Variants in TET2 observed in about 807,000 individuals in gnomAD.
The protein encoded by TET2 is methylcytosine dioxygenase TET2.
TET2 carries 299 observed loss-of-function variants against 142.9 expected under a neutral mutation model. That is an observed-to-expected ratio of 2.09 (90% CI 1.90 to 2.30). The LOEUF is 2.30. Ranked by LOEUF, TET2 falls within the 30% of genes most tolerant of loss-of-function variation. TET2 has a pLI of 0.00. For missense variants in TET2, 2,418 were observed against 2,378.0 expected (o/e 1.02, Z -0.35); for synonymous variants, 819 against 849.0 (o/e 0.96, Z 0.61).
intron 2 of TET2, among the ~76,000 whole-genome samples, chr4:105,212,234 G>A (rs1727214317): frequency 6.6e-6 from 1 of 152,164 alleles, no homozygotes; most frequent in African/African-American, 2.4e-5. Context: ...TAGTTGTAAT[G>A]AATACCTCCT....
rs139335022 is a variant in TET2, at chr4:105,210,045, A to G, written c.-47+19540A>G. Among the ~76,000 whole-genome samples, 150 of 152,312 alleles carry G rather than the reference A, an allele frequency of 9.8e-4. 1 individual carries two copies. The highest frequency in any genetic ancestry group is 3.5e-3 in the African/African-American group (144 of 41,578). On this transcript the variant is annotated intron_variant, in intron 2 of 10. Coordinates refer to ENST00000380013, the MANE Select transcript of TET2 (RefSeq NM_001127208.3). Reference sequence around the variant, plus strand: ...ATTAAACATCCATGGTTTCTTCTTAAGTAACTGCGTGGATGATAGTACCCC... The same window carrying G: ...ATTAAACATCCATGGTTTCTTCTTAGGTAACTGCGTGGATGATAGTACCCC...
intron 2 of TET2, among the ~76,000 whole-genome samples, chr4:105,193,733 T>G (rs1366926370): frequency 6.6e-6 from 1 of 152,184 alleles, no homozygotes; most frequent in Non-Finnish European, 1.5e-5. Context: ...AATAGGGAAG[T>G]TGGGACATAT....
At chr4:105,269,310 A>G (rs1001970299) in intron 8 of TET2, among the ~76,000 whole-genome samples, 2 of 152,236 alleles carry the variant, frequency 1.3e-5, no homozygotes, top group Admixed American at 1.3e-4. Context: ...AGCAGGAAGC[A>G]TGAATTATAC....
intron 2 of TET2, among the ~76,000 whole-genome samples, chr4:105,208,427 T>C (rs1012048732): frequency 1.3e-5 from 2 of 152,178 alleles, no homozygotes; most frequent in Non-Finnish European, 2.9e-5. Context: ...TTTTGAGTTA[T>C]CTGAAGGATC....
At chr4:105,265,184 G>A (rs945996426) in intron 8 of TET2, among the ~76,000 whole-genome samples, 1 of 152,168 alleles carries the variant, frequency 6.6e-6, no homozygotes, top group African/African-American at 2.4e-5. Flanking sequence ...TTTCTATGAA[G>A]ATGGAAATAT....
chr4:105,272,304 TCAC>T, intron 9 of TET2, among the ~76,000 whole-genome samples: 1 of 152,124 alleles, frequency 6.6e-6, no homozygotes, highest in East Asian at 1.9e-4. Context: ...AGAACAAGGG[TCAC>T]CACAGCTAAC....
chr4:105,241,396 A>T lies in TET2; in HGVS notation c.3467A>T (p.Asn1156Ile), dbSNP rs1729289574. The change falls in exon 4 of 11, where the codon AAT becomes ATT. Residue 1156 changes from asparagine (N) to isoleucine (I), a missense_variant. Transcript: ENST00000380013. ...PFYTHLGAGP[N>I]VAAIREIMEE... Reference sequence around the variant, plus strand: ...TATACCCATCTAGGAGCAGGTCCTAATGTGGCAGCTATTAGAGAAATCATG... The same window carrying T: ...TATACCCATCTAGGAGCAGGTCCTATTGTGGCAGCTATTAGAGAAATCATG... 6.4e-7 allele frequency: 1 copy of T among 1,550,832 alleles called. No homozygotes were observed. Among genetic ancestry groups the T allele is most frequent in the Non-Finnish European group, 8.7e-7 (1 of 1,146,716 alleles).
At chr4:105,244,361 ATTAT>A (rs1398226932) in intron 6 of TET2, among the ~76,000 whole-genome samples, 1 of 152,176 alleles carries the variant, frequency 6.6e-6, no homozygotes, top group Non-Finnish European at 1.5e-5. Context: ...ATGGATATAT[ATTAT>A]TTTCCAGGAA....
chr4:105,247,283 CTT>C, intron 6 of TET2, among the ~76,000 whole-genome samples: 1 of 152,296 alleles, frequency 6.6e-6, no homozygotes, highest in Non-Finnish European at 1.5e-5. Context: ...CAGGTAAAGA[CTT>C]TATCATTTAA....
chr4:105,247,536 C>T (rs1465920058), intron 6 of TET2, among the ~76,000 whole-genome samples: 1 of 151,790 alleles, frequency 6.6e-6, no homozygotes, highest in African/African-American at 2.4e-5. Context: ...TTATAATAGC[C>T]CTTCCCCTTT....
intron 1 of TET2, among the ~76,000 whole-genome samples, chr4:105,189,099 G>A (rs775328722): frequency 3.9e-5 from 6 of 151,960 alleles, no homozygotes; most frequent in African/African-American, 7.3e-5. Context: ...AAGAAGCAAC[G>A]TGTCCCAGTC....
intron 2 of TET2, among the ~76,000 whole-genome samples, chr4:105,209,452 G>A (rs1279237590): frequency 6.6e-6 from 1 of 151,972 alleles, no homozygotes; most frequent in African/African-American, 2.4e-5. Flanking sequence ...AGTCAGTGGG[G>A]TTGACTTCTA....
chr4:105,222,520 G>A (rs1727901268), intron 2 of TET2, among the ~76,000 whole-genome samples: 1 of 152,220 alleles, frequency 6.6e-6, no homozygotes, highest in Non-Finnish European at 1.5e-5. Flanking sequence ...CTTCTTTTGA[G>A]AAGTGTCTGT....
At chr4:105,224,050 A>G (rs1578651108) in intron 2 of TET2, among the ~76,000 whole-genome samples, 1 of 152,158 alleles carries the variant, frequency 6.6e-6, no homozygotes. Context: ...TAGTATGGCA[A>G]CTATACAAAT....
Position 105,234,607 on chromosome 4 carries a change from A to C in TET2, c.665A>C (p.His222Pro), listed in dbSNP as rs1728719350. The change falls in exon 3 of 11, where the codon CAT becomes CCT. Residue 222 changes from histidine to proline, a missense_variant. Coordinates refer to ENST00000380013, the MANE Select transcript of TET2 (RefSeq NM_001127208.3). The part of the protein sequence containing the change: ...TVSASSVEHT[H>P]GELLEKTLSQ... ...TCTGCCTCTTCCGTGGAACACACAC[A>C]TGGTGAACTCCTGGAAAAAACACTG... is the stretch of plus-strand genomic sequence containing the variant. 6.2e-7 allele frequency: 1 copy of C among 1,614,014 alleles called. No individual in the cohort carries two copies. Among genetic ancestry groups the C allele is most frequent in the African/African-American group, 1.3e-5 (1 of 74,950 alleles).
At chr4:105,205,140 T>C (rs892288039) in intron 2 of TET2, among the ~76,000 whole-genome samples, 2 of 152,176 alleles carry the variant, frequency 1.3e-5, no homozygotes, top group African/African-American at 4.8e-5. Context: ...AAATTCCTTA[T>C]TTCAAAGCTT....
In TET2 at chr4:105,246,024, G is replaced by A. The variant is rs571900114; in HGVS notation, c.3803+2246G>A. On this transcript the variant is annotated intron_variant, in intron 6 of 10. Coordinates refer to ENST00000380013, the MANE Select transcript of TET2 (RefSeq NM_001127208.3). Reference sequence around the variant, plus strand: ...CAGCTCACCACAACCTCCACCTCCCGGGTTCAAGTGATTCTCATGCCACAG... The same window carrying A: ...CAGCTCACCACAACCTCCACCTCCCAGGTTCAAGTGATTCTCATGCCACAG... Among the ~76,000 whole-genome samples, 35 of 152,132 alleles carry A rather than the reference G, an allele frequency of 2.3e-4. No homozygotes were observed. The South Asian group carries it at 6.2e-3, about 27-fold the overall frequency.
Position 105,235,368 on chromosome 4 carries a change from C to A in TET2, c.1426C>A (p.Leu476Ile), listed in dbSNP as rs763786936. ...ACATGTATGCAGCCCTTCTCCGATGCTTTCTGAAAGGCCTCAGAATAATTG... is the reference window on the plus strand; with the variant it reads ...ACATGTATGCAGCCCTTCTCCGATGATTTCTGAAAGGCCTCAGAATAATTG... Reference protein sequence around the residue: ...STHVCSPSPMLSERPQNNCVN... With the variant: ...STHVCSPSPMISERPQNNCVN... The change falls in exon 3 of 11, where the codon CTT (leucine) becomes ATT (isoleucine). Residue 476 changes from leucine to isoleucine, a missense_variant. By Grantham distance (5) the Leu-to-Ile change is conservative. Coordinates refer to ENST00000380013, the MANE Select transcript of TET2 (RefSeq NM_001127208.3). The A allele has an allele frequency of 6.2e-7, 1 of 1,614,188 alleles. No individual in the cohort carries two copies. Among genetic ancestry groups the A allele is most frequent in the Non-Finnish European group, 8.5e-7 (1 of 1,180,020 alleles).
intron 2 of TET2, among the ~76,000 whole-genome samples, chr4:105,224,062 T>A (rs1442651831): frequency 2.0e-5 from 3 of 151,934 alleles, no homozygotes; most frequent in Non-Finnish European, 4.4e-5. Flanking sequence ...TATACAAATC[T>A]ATAAATTGAC....
Sources: gnomAD v4.1 joint callset for allele counts (sites outside exome capture counted in the v4.1 genomes callset) on GRCh38, gnomAD v4.1.1 for gene constraint, MANE v1.5 for transcripts, NCBI Gene and HGNC (gene_info 2026-07-23, HGNC 2026-07-21) for gene names.